The following TMEM108 variants were observed in gnomAD, a reference collection of about 807,000 sequenced individuals.
TMEM108 encodes cancer/testis antigen 124.
TMEM108 carries 12 observed loss-of-function variants against 35.1 expected under a neutral mutation model. That is an observed-to-expected ratio of 0.34 (90% CI 0.22 to 0.55). The LOEUF (loss-of-function observed/expected upper bound fraction) is 0.55. TMEM108 is among the 20% of genes least tolerant of loss of function. The probability of loss-of-function intolerance (pLI) is 0.89; values close to 1 mark genes in which losing one functional copy is unlikely to be tolerated. For missense variants in TMEM108, 680 were observed against 753.3 expected (o/e 0.90, Z 1.14); for synonymous variants, 287 against 308.6 (o/e 0.93, Z 0.73).
At chr3:133,285,922 T>C (rs1946978106) in intron 3 of TMEM108, among the ~76,000 whole-genome samples, 1 of 152,212 alleles carries the variant, frequency 6.6e-6, no homozygotes, top group Admixed American at 6.5e-5. Flanking sequence ...GGCATTGCTA[T>C]GTGTTTGAGG....
At position 133,384,803 on chromosome 3, in the gene TMEM108, G is replaced by A. The variant is rs1038965343; in HGVS notation, c.1450+3642G>A. On this transcript the variant is annotated intron_variant, in intron 4 of 5. Coordinates refer to ENST00000321871, the MANE Select transcript of TMEM108 (RefSeq NM_023943.4). ...CCTTTGCCTGTTTGTCACATGTGAT[G>A]TCCATTTTTGAAAATGCCTTCACCC... Among the ~76,000 whole-genome samples the A allele has an allele frequency of 2.6e-5, 4 of 152,340 alleles. No individual in the cohort carries two copies. The East Asian group carries it at 5.8e-4, about 22-fold the overall frequency.
intron 2 of TMEM108, among the ~76,000 whole-genome samples, chr3:133,144,737 T>C (rs569907773): frequency 6.6e-6 from 1 of 152,358 alleles, no homozygotes; most frequent in Admixed American, 6.5e-5. Context: ...GAGCTTTTTT[T>C]CATATTTGTT....
At chr3:133,101,005 G>A (rs1944080485) in intron 2 of TMEM108, among the ~76,000 whole-genome samples, 1 of 147,678 alleles carries the variant, frequency 6.8e-6, no homozygotes, top group Non-Finnish European at 1.5e-5. Context: ...TTTCCTCATT[G>A]TCACATACAC....
At chr3:133,061,312 C>T (rs113727667) in intron 2 of TMEM108, among the ~76,000 whole-genome samples, 121 of 151,050 alleles carry the variant, frequency 8.0e-4, no homozygotes, top group African/African-American at 2.6e-3. Context: ...CCCGGGTTCA[C>T]GCCATTCTCC....
intron 2 of TMEM108, among the ~76,000 whole-genome samples, chr3:133,055,154 A>G (rs186358798): frequency 1.3e-4 from 20 of 152,360 alleles, no homozygotes; most frequent in Admixed American, 1.0e-3. Flanking sequence ...CAAAAAATAT[A>G]GAATTGTATC....
At chr3:133,243,590 G>A (rs1448738484) in intron 3 of TMEM108, among the ~76,000 whole-genome samples, 2 of 151,862 alleles carry the variant, frequency 1.3e-5, no homozygotes, top group Middle Eastern at 3.2e-3. Context: ...GCGCGATCTC[G>A]GCTCACTGCA....
At chr3:133,234,333 T>A (rs1283477886) in intron 3 of TMEM108, among the ~76,000 whole-genome samples, 1 of 152,160 alleles carries the variant, frequency 6.6e-6, no homozygotes, top group African/African-American at 2.4e-5. Context: ...TTGATGAACA[T>A]TGATGCAAAA....
At chr3:133,049,102 C>A (rs952557816) in intron 2 of TMEM108, among the ~76,000 whole-genome samples, 2 of 152,112 alleles carry the variant, frequency 1.3e-5, no homozygotes, top group East Asian at 3.9e-4. Flanking sequence ...TTACTTCTTA[C>A]AAATGATGTC....
chr3:133,180,484 C>T (rs541013814), intron 2 of TMEM108, among the ~76,000 whole-genome samples: 8 of 151,974 alleles, frequency 5.3e-5, no homozygotes, highest in Admixed American at 5.3e-4. Context: ...TTGTTTTTAG[C>T]ATTCTAGTCT....
chr3:133,298,676 C>T (rs1947178337), intron 3 of TMEM108, among the ~76,000 whole-genome samples: 2 of 151,998 alleles, frequency 1.3e-5, no homozygotes, highest in South Asian at 4.2e-4. Context: ...CACACTCAAC[C>T]ATATTATGCC....
intron 2 of TMEM108, among the ~76,000 whole-genome samples, chr3:133,174,714 A>T (rs1196667686): frequency 1.3e-5 from 2 of 152,216 alleles, no homozygotes; most frequent in Non-Finnish European, 2.9e-5. Context: ...AGATAAAACC[A>T]CAAAGATGGG....
At position 133,142,310 on chromosome 3, in the gene TMEM108, G is replaced by A. The variant is rs74549422; in HGVS notation, c.-46-86956G>A. Among the ~76,000 whole-genome samples the A allele has an allele frequency of 1.8e-3, 276 of 152,252 alleles. 1 individual carries two copies. Among genetic ancestry groups the A allele is most frequent in the African/African-American group, 6.3e-3 (261 of 41,544 alleles). On this transcript the variant is annotated intron_variant, in intron 2 of 5. Coordinates refer to ENST00000321871, the MANE Select transcript of TMEM108 (RefSeq NM_023943.4). ...ATTTCTCAACTTACACATAAAAAGA[G>A]TTAAAAGCAGAATATGAGACTAGCT... is the stretch of plus-strand genomic sequence containing the variant.
At chr3:133,319,229 C>G (rs987748439) in intron 3 of TMEM108, among the ~76,000 whole-genome samples, 1 of 152,154 alleles carries the variant, frequency 6.6e-6, no homozygotes, top group Non-Finnish European at 1.5e-5. Context: ...TAACACTGCC[C>G]CCGCCTGATG....
intron 3 of TMEM108, among the ~76,000 whole-genome samples, chr3:133,290,068 C>T (rs2107694491): frequency 6.6e-6 from 1 of 152,266 alleles, no homozygotes; most frequent in South Asian, 2.1e-4. Context: ...GAAAGACAGA[C>T]AATAAACAGG....
chr3:133,267,118 A>G, intron 3 of TMEM108, among the ~76,000 whole-genome samples: 1 of 151,662 alleles, frequency 6.6e-6, no homozygotes. Flanking sequence ...GTAAAGGGAT[A>G]TAGTTGCTGT....
chr3:133,389,682 T>TC (rs1371909046), intron 4 of TMEM108: 1 of 42,558 alleles, frequency 2.3e-5, no homozygotes, highest in East Asian at 6.4e-4. Context: ...CTAGACTCCA[T>TC]CAAAAAAAAA....
At chr3:133,075,783 C>T (rs1358983083) in intron 2 of TMEM108, among the ~76,000 whole-genome samples, 2 of 152,230 alleles carry the variant, frequency 1.3e-5, no homozygotes, top group Admixed American at 1.3e-4. Flanking sequence ...TTTCGCCCAT[C>T]CTGTGTTTTG....
At position 133,196,882 on chromosome 3, in the gene TMEM108, G is replaced by A. The variant is rs182310761; in HGVS notation, c.-46-32384G>A. 7.2e-5 allele frequency among the ~76,000 whole-genome samples: 11 copies of A among 152,284 alleles called. 1 individual carries two copies. The South Asian group carries it at 8.3e-4, about 11-fold the overall frequency. ...CAGGCAAAACTTACCTGGAAATCCC[G>A]GGTAGACTTCTCGTTTCTCGTTAGC... On this transcript the variant is annotated intron_variant, in intron 2 of 5. Transcript: ENST00000321871.
chr3:133,176,629 G>T (rs1438487628), intron 2 of TMEM108, among the ~76,000 whole-genome samples: 1 of 151,972 alleles, frequency 6.6e-6, no homozygotes, highest in African/African-American at 2.4e-5. Flanking sequence ...CGAGAACAAA[G>T]ACACAACATA....
Sources: allele counts gnomAD v4.1 joint callset (sites outside exome capture counted in the v4.1 genomes callset), GRCh38; gene constraint gnomAD v4.1.1; transcripts MANE v1.5; gene names NCBI Gene and HGNC (gene_info 2026-07-23, HGNC 2026-07-21).